The following SALL1 variants were observed in gnomAD, a reference collection of about 807,000 sequenced individuals.
SALL1 encodes the protein spalt like transcription factor 1.
A neutral mutation model predicts 73.1 loss-of-function variants in SALL1; 10 were observed. The observed-to-expected ratio is 0.14, with a 90% confidence interval of 0.08 to 0.23. The LOEUF (loss-of-function observed/expected upper bound fraction) is 0.23. Ranked by LOEUF, SALL1 falls within the 10% of genes least tolerant of loss-of-function variation. SALL1 has a pLI of 1.00. For synonymous variants in SALL1, 688 were observed against 689.8 expected, an observed-to-expected ratio of 1.00 and a Z score of 0.04; for missense variants, 1,520 against 1,697.3, an observed-to-expected ratio of 0.90 and a Z score of 1.84.
Position 51,151,154 on chromosome 16 carries a change from C to T in SALL1, c.76+12G>A, listed in dbSNP as rs1451216564. ...GTGTGTGTGTGTCCACGGCGCGGGC[C>T]GGAGCACTCACCATCTCGCCGGGGG... On this transcript the variant is annotated intron_variant, in intron 1 of 2. Transcript: ENST00000251020. 1.3e-6 allele frequency: 2 copies of T among 1,587,232 alleles called. No homozygotes were observed. Among genetic ancestry groups the T allele is most frequent in the South Asian group, 1.2e-5 (1 of 86,590 alleles).
rs769468123 is a variant in SALL1, at chr16:51,141,089, A to G, written c.1133T>C (p.Phe378Ser). ...AGGACTTAATAAACTGCTTATTGCA[A>G]AAGCTGGTGAGGACGATGATGAGAC... is the stretch of plus-strand genomic sequence containing the variant. ...PAVSSSSSPA[F>S]AISSLLSPAS... The change falls in exon 2 of 3, where the codon TTT becomes TCT. Residue 378 changes from phenylalanine to serine, a missense_variant. Transcript: ENST00000251020. The surrounding 1 kb of genome is among the most constrained non-coding windows in gnomAD (Gnocchi z 5.4). 10 of 1,614,106 alleles carry G rather than the reference A, an allele frequency of 6.2e-6. No individual in the cohort carries two copies. Among genetic ancestry groups the G allele is most frequent in the African/African-American group, 1.3e-5 (1 of 74,936 alleles).
chr16:51,138,624 T>C, intron 2 of SALL1, 64 bp downstream of exon 2: 6 of 1,560,192 alleles, frequency 3.8e-6, no homozygotes, highest in East Asian at 2.3e-5. Flanking sequence ...GCATGCATTA[T>C]AGATAATCAA....
At chr16:51,151,594 G>A (rs556766246), upstream of SALL1, among the ~76,000 whole-genome samples, 15 of 151,510 alleles carry the variant, frequency 9.9e-5, 1 homozygote, top group South Asian at 2.7e-3. Context: ...TGCGCGCCGC[G>A]CCGCCCGACA....
At chr16:51,150,504 A>G (rs1370262639) in intron 1 of SALL1, 2 of 985,724 alleles carry the variant, frequency 2.0e-6, no homozygotes, top group East Asian at 1.1e-4. Flanking sequence ...ACTGGCGGCC[A>G]GCAGCACTCT....
chr16:51,151,246 GCTCAAACATCAGCT>G lies in SALL1; in HGVS notation c.-19_-6del. ...CGCTTGCTTCCTCCGCGACATGCTG[GCTCAAACATCAGCT>G]GGGGCAGAATAAAAAATTACTAAAA... On this transcript the variant is annotated 5_prime_UTR_variant, in exon 1 of 3. An upstream start codon of the reference 5' UTR is lost. Coordinates refer to ENST00000251020, the MANE Select transcript of SALL1 (RefSeq NM_002968.3). 6.3e-7 allele frequency: 1 copy of G among 1,594,676 alleles called. No individual in the cohort carries two copies. The highest frequency in any genetic ancestry group is 1.3e-5 in the African/African-American group (1 of 74,574).
rs1354509765 is a variant in SALL1, at chr16:51,137,118, C to G, written c.3969G>C (p.Thr1323=). The change falls in exon 3 of 3, where the codon ACG becomes ACC. Residue 1323 remains threonine, a synonymous_variant. Coordinates refer to ENST00000251020, the MANE Select transcript of SALL1 (RefSeq NM_002968.3). ...GTCTCCAGCCCGAGCTGCTTTAACT[C>G]GTGACGATCTCCTTGCTGTCCTCCA... ...RFVEDSKEIV[T]S The G allele has an allele frequency of 6.2e-7, 1 of 1,614,156 alleles. No individual in the cohort carries two copies. Among genetic ancestry groups the G allele is most frequent in the Non-Finnish European group, 8.5e-7 (1 of 1,180,028 alleles).
At position 51,137,068 on chromosome 16, in the gene SALL1, C is replaced by A. The variant is rs770198465; in HGVS notation, c.*44G>T. 2 of 1,603,048 alleles carry A rather than the reference C, an allele frequency of 1.2e-6. No homozygotes were observed. Among genetic ancestry groups the A allele is most frequent in the South Asian group, 1.1e-5 (1 of 90,544 alleles). On this transcript the variant is annotated 3_prime_UTR_variant, in exon 3 of 3. Coordinates refer to ENST00000251020, the MANE Select transcript of SALL1 (RefSeq NM_002968.3). Reference sequence around the variant, plus strand: ...AGGAGTAGGAGGCCACCATAGGTCGCATTCTGAACAGGAATGAATGCTATG... The same window carrying A: ...AGGAGTAGGAGGCCACCATAGGTCGAATTCTGAACAGGAATGAATGCTATG...
Position 51,140,071 on chromosome 16 carries a change from G to A in SALL1, c.2151C>T (p.Cys717=). 6.2e-7 allele frequency: 1 copy of A among 1,614,224 alleles called. No homozygotes were observed. The highest frequency in any genetic ancestry group is 8.5e-7 in the Non-Finnish European group (1 of 1,180,038). The change falls in exon 2 of 3, where the codon TGC becomes TGT. Residue 717 remains cysteine, a synonymous_variant. Coordinates refer to ENST00000251020, the MANE Select transcript of SALL1 (RefSeq NM_002968.3). This position sits in a 1 kb window ranked among gnomAD's most constrained non-coding sequence, Gnocchi z 5.7. ...TGTAGTGCATTTTCAAGGCGCTCTG[G>A]CAGCTGAGAACCCGGTGGCAGATGA... ...ECIICHRVLS[C]QSALKMHYRT...
intron 1 of SALL1, chr16:51,150,744 G>T: frequency 3.3e-6 from 1 of 300,438 alleles, no homozygotes; most frequent in Non-Finnish European, 5.0e-6. Flanking sequence ...AGGCCGGGCC[G>T]GGTGCCCTGG....
At position 51,137,159 on chromosome 16, in the gene SALL1, G is replaced by A. The variant is rs775499747; in HGVS notation, c.3928C>T (p.Arg1310Cys). The change falls in exon 3 of 3, where the codon CGC becomes TGC. Residue 1310 changes from arginine (R) to cysteine (C), a missense_variant. Physicochemically the swap from Arg to Cys is radical, Grantham distance 180. This residue lies in a region of SALL1 where 318 missense variants were observed against 357.1 expected (regional missense o/e 0.89). Transcript: ENST00000251020. ...MASSENGTNFRFTRFVEDSKE... is the reference protein window; with the variant it reads ...MASSENGTNFCFTRFVEDSKE... ...CTGTCCTCCACGAAGCGGGTGAAGC[G>A]GAAGTTGGTTCCGTTCTCACTGCTT... 1.1e-5 allele frequency: 18 copies of A among 1,614,002 alleles called. No individual in the cohort carries two copies. The Admixed American group carries it at 2.0e-4, about 18-fold the overall frequency.
chr16:51,139,651 G>C lies in SALL1; in HGVS notation c.2571C>G (p.Pro857=). Residue 857 remains proline (P), a synonymous_variant, in exon 2 of 3, where the codon CCC becomes CCG. Transcript: ENST00000251020. ...SQDSLSSSPL[P]LEMSSIAALE... is the part of the protein sequence containing the mutation. ...AAGCAGCGATGCTCGACATCTCGAGGGGCAAAGGCGAAGAGGATAAGCTGT... is the reference window on the plus strand; with the variant it reads ...AAGCAGCGATGCTCGACATCTCGAGCGGCAAAGGCGAAGAGGATAAGCTGT... 1 of 1,613,924 alleles carries C rather than the reference G, an allele frequency of 6.2e-7. No individual in the cohort carries two copies. The highest frequency in any genetic ancestry group is 8.5e-7 in the Non-Finnish European group (1 of 1,179,840).
intron 2 of SALL1, 81 bp downstream of exon 2, chr16:51,138,607 T>C (rs1962352721): frequency 6.6e-7 from 1 of 1,525,164 alleles, no homozygotes; most frequent in African/African-American, 1.4e-5. Context: ...GGCTGATGAC[T>C]CTGGGGGCAT....
intron 1 of SALL1, among the ~76,000 whole-genome samples, chr16:51,147,008 T>C (rs966005210): frequency 2.6e-5 from 4 of 152,186 alleles, no homozygotes; most frequent in African/African-American, 9.6e-5. Context: ...CTTTTGACAA[T>C]TTCAAAAACT....
At position 51,141,205 on chromosome 16, in the gene SALL1, G is replaced by A; in HGVS notation, c.1017C>T (p.Pro339=). The change falls in exon 2 of 3, where the codon CCC becomes CCT. Residue 339 remains proline, a synonymous_variant. Transcript: ENST00000251020. The surrounding 1 kb of genome is among the most constrained non-coding windows in gnomAD (Gnocchi z 5.4). The part of the protein sequence containing the change: ...TIIPSNSGSS[P]NMNILAAAVT... Reference sequence around the variant, plus strand: ...CTGCCGCTGCCAATATGTTCATATTGGGAGAAGAGCCGCTGTTGGATGGAA... The same window carrying A: ...CTGCCGCTGCCAATATGTTCATATTAGGAGAAGAGCCGCTGTTGGATGGAA... The A allele has an allele frequency of 6.2e-7, 1 of 1,614,120 alleles. No homozygotes were observed. The highest frequency in any genetic ancestry group is 8.5e-7 in the Non-Finnish European group (1 of 1,180,028).
upstream of SALL1, chr16:51,151,375 C>T (rs940042113): frequency 3.3e-5 from 11 of 334,630 alleles, no homozygotes; most frequent in Admixed American, 5.3e-5. Flanking sequence ...CCCCGGCTCC[C>T]CGGCCCCGGG....
At position 51,137,004 on chromosome 16, in the gene SALL1, TG is replaced by T; in HGVS notation, c.*107del. 2.5e-6 allele frequency: 2 copies of T among 814,220 alleles called. No individual in the cohort carries two copies. The highest frequency in any genetic ancestry group is 3.8e-6 in the Non-Finnish European group (2 of 525,202). 50.4% of individuals were successfully genotyped at this position (814,220 alleles called of 1,614,324 possible). A position where few individuals can be genotyped will look rare whatever the true frequency, so the allele number is the denominator to read the frequency against. ...TTCATAATGTTGTAGTTCATAGATCTGGGGAACAGAAGGAAGGGGCGGGGCG... is the reference window on the plus strand; with the variant it reads ...TTCATAATGTTGTAGTTCATAGATCTGGGAACAGAAGGAAGGGGCGGGGCG... On this transcript the variant is annotated 3_prime_UTR_variant, in exon 3 of 3. Coordinates refer to ENST00000251020, the MANE Select transcript of SALL1 (RefSeq NM_002968.3).
intron 1 of SALL1, among the ~76,000 whole-genome samples, chr16:51,145,706 A>T (rs1268965203): frequency 6.6e-6 from 1 of 152,160 alleles, no homozygotes; most frequent in East Asian, 1.9e-4. Flanking sequence ...ATATCTGTCT[A>T]CTGAGAAAAT....
chr16:51,144,399 CT>C (rs1202312538), intron 1 of SALL1, among the ~76,000 whole-genome samples: 3 of 152,178 alleles, frequency 2.0e-5, no homozygotes, highest in Admixed American at 6.5e-5. Flanking sequence ...GTGGAAAATA[CT>C]TTTCAACCAG....
At position 51,139,037 on chromosome 16, in the gene SALL1, T is replaced by C; in HGVS notation, c.3185A>G (p.Glu1062Gly). Reference sequence around the variant, plus strand: ...ATTGGGGCCAAGGTTGGAACTGGGCTCAAAGAGCTGGGATGGCAGATCTCG... The same window carrying C: ...ATTGGGGCCAAGGTTGGAACTGGGCCCAAAGAGCTGGGATGGCAGATCTCG... ...QMRDLPSQLF[E>G]PSSNLGPNQN... The change falls in exon 2 of 3, where the codon GAG becomes GGG. Residue 1062 changes from glutamate to glycine, a missense_variant. By Grantham distance (98) the Glu-to-Gly change is moderately conservative. Around this residue, in one of 7 missense-constraint regions of SALL1, gnomAD observed 318 missense variants for 357.1 expected, o/e 0.89. Coordinates refer to ENST00000251020, the MANE Select transcript of SALL1 (RefSeq NM_002968.3). 1.2e-6 allele frequency: 2 copies of C among 1,614,184 alleles called. No homozygotes were observed. Among genetic ancestry groups the C allele is most frequent in the Non-Finnish European group, 1.7e-6 (2 of 1,180,038 alleles).
Sources: gnomAD v4.1 joint callset for allele counts (sites outside exome capture counted in the v4.1 genomes callset) on GRCh38, gnomAD v4.1.1 for gene constraint, gnomAD v4.1.1 regional missense constraint, Gnocchi (gnomAD v3.1) non-coding constraint, MANE v1.5 for transcripts, NCBI Gene and HGNC (gene_info 2026-07-23, HGNC 2026-07-21) for gene names.